The following SYNPR variants were observed in gnomAD, a reference collection of about 807,000 sequenced individuals.
The protein encoded by SYNPR is synaptoporin.
In SYNPR, 23 loss-of-function variants were observed where a neutral mutation model predicts 32.9. The observed-to-expected ratio is 0.70, with a 90% CI of 0.50 to 0.99. The LOEUF (loss-of-function observed/expected upper bound fraction) is 0.99. Among genes scored for constraint, SYNPR ranks in the 50% least tolerant of loss-of-function variants. SYNPR has a pLI of 0.00. For missense variants in SYNPR, 318 were observed against 349.3 expected (o/e 0.91, Z 0.71); for synonymous variants, 146 against 135.9 (o/e 1.07, Z -0.52).
intron 3 of SYNPR, among the ~76,000 whole-genome samples, chr3:63,487,439 T>G (rs577302875): frequency 1.3e-5 from 2 of 152,218 alleles, no homozygotes; most frequent in South Asian, 4.1e-4. Context: ...TTCAATACAT[T>G]GTCTTTTGGC....
At chr3:63,559,431 A>G (rs776897998) in intron 4 of SYNPR, among the ~76,000 whole-genome samples, 23 of 152,208 alleles carry the variant, frequency 1.5e-4, no homozygotes, top group Non-Finnish European at 2.4e-4. Flanking sequence ...TGAACTTTCA[A>G]TAAAAACAAA....
chr3:63,444,991 C>T (rs1431492288), intron 2 of SYNPR, among the ~76,000 whole-genome samples: 1 of 151,638 alleles, frequency 6.6e-6, no homozygotes, highest in Admixed American at 6.6e-5. Context: ...AACTTTTATC[C>T]TTGGGCTGTT....
At chr3:63,276,076 G>T (rs940890771), upstream of SYNPR, among the ~76,000 whole-genome samples, 2 of 152,164 alleles carry the variant, frequency 1.3e-5, no homozygotes, top group African/African-American at 4.8e-5. Flanking sequence ...TTGCAGATCT[G>T]CCTATGTCAT....
intron 2 of SYNPR, among the ~76,000 whole-genome samples, chr3:63,447,058 G>C (rs1228322209): frequency 6.6e-6 from 1 of 152,112 alleles, no homozygotes; most frequent in African/African-American, 2.4e-5. Flanking sequence ...GGTTTAATCA[G>C]AAAGTGTGGT....
the SYNPR span, among the ~76,000 whole-genome samples, chr3:63,223,262 C>A: frequency 6.0e-3 from 877 of 147,348 alleles, 11 homozygotes; most frequent in African/African-American, 0.019. Flanking sequence ...GTGATAGGAG[C>A]AAGCCCTCAT....
chr3:63,394,857 CT>C (rs2088190807), intron 2 of SYNPR, among the ~76,000 whole-genome samples: 1 of 152,126 alleles, frequency 6.6e-6, no homozygotes, highest in East Asian at 1.9e-4. Flanking sequence ...ATATTAACTA[CT>C]AAAGGAATAC....
chr3:63,534,480 C>T (rs1018000564), intron 3 of SYNPR, among the ~76,000 whole-genome samples: 1 of 152,314 alleles, frequency 6.6e-6, no homozygotes, highest in Non-Finnish European at 1.5e-5. Flanking sequence ...TTGTACCTCT[C>T]TTACTAATGC....
intron 3 of SYNPR, among the ~76,000 whole-genome samples, chr3:63,507,255 C>T (rs1701606760): frequency 7.1e-6 from 1 of 140,116 alleles, no homozygotes; most frequent in African/African-American, 2.6e-5. Flanking sequence ...TTAACCATAT[C>T]TGCCCCAAAT....
chr3:63,468,891 C>T (rs1700740654), intron 2 of SYNPR, among the ~76,000 whole-genome samples: 1 of 152,008 alleles, frequency 6.6e-6, no homozygotes, highest in Non-Finnish European at 1.5e-5. Context: ...GCTGAATAAA[C>T]ATTTTTTTTT....
At chr3:63,399,298 A>C (rs900922305) in intron 2 of SYNPR, among the ~76,000 whole-genome samples, 2 of 152,194 alleles carry the variant, frequency 1.3e-5, no homozygotes, top group African/African-American at 4.8e-5. Context: ...GTAGACAGAG[A>C]TATTCTCTCA....
In SYNPR at chr3:63,269,954, T is replaced by C. The variant is rs143519468; in HGVS notation, n.287+2505T>C. On this transcript the variant is annotated intron_variant and non_coding_transcript_variant, in intron 3 of 4. Transcript: ENST00000478456. Reference sequence around the variant, plus strand: ...GAGGTACCTAATTTAATCTAGAGCATTAGGTAAGGCTTCTAAGATTAGAAA... The same window carrying C: ...GAGGTACCTAATTTAATCTAGAGCACTAGGTAAGGCTTCTAAGATTAGAAA... Among the ~76,000 whole-genome samples, 409 of 152,304 alleles carry C rather than the reference T, an allele frequency of 2.7e-3. 4 individuals carry two copies. The highest frequency in any genetic ancestry group is 9.5e-3 in the African/African-American group (397 of 41,574).
intron 2 of SYNPR, among the ~76,000 whole-genome samples, chr3:63,440,639 C>T (rs1700097558): frequency 6.6e-6 from 1 of 152,304 alleles, no homozygotes; most frequent in South Asian, 2.1e-4. Context: ...AGATTAGAAT[C>T]TGCCTATTAG....
At chr3:63,408,194 G>GAA (rs1553876891) in intron 2 of SYNPR, among the ~76,000 whole-genome samples, 510 of 50,020 alleles carry the variant, frequency 0.01, 43 homozygotes, top group South Asian at 0.014. Context: ...AAGAAAGAAA[G>GAA]AGGAAGGAAG....
chr3:63,457,562 C>T lies in SYNPR; in HGVS notation c.85-23270C>T, dbSNP rs189449514. 3.9e-5 allele frequency among the ~76,000 whole-genome samples: 6 copies of T among 152,166 alleles called. No homozygotes were observed. The East Asian group carries it at 1.2e-3, about 29-fold the overall frequency. Reference sequence around the variant, plus strand: ...TTGAAGAGATCTTCAAGTGCTGCAACACCTAACAAACTGATTTTATTATTT... The same window carrying T: ...TTGAAGAGATCTTCAAGTGCTGCAATACCTAACAAACTGATTTTATTATTT... On this transcript the variant is annotated intron_variant, in intron 2 of 5. Transcript: ENST00000478300.
intron 2 of SYNPR, among the ~76,000 whole-genome samples, chr3:63,355,788 C>T (rs1452244311): frequency 6.6e-6 from 1 of 152,136 alleles, no homozygotes; most frequent in African/African-American, 2.4e-5. Flanking sequence ...CCCCTTTGCT[C>T]TCCACCTAGT....
chr3:63,294,144 TTAGG>T (rs1172767533), intron 2 of SYNPR, among the ~76,000 whole-genome samples: 5 of 152,224 alleles, frequency 3.3e-5, no homozygotes, highest in African/African-American at 1.2e-4. Flanking sequence ...AATTCCTAAC[TTAGG>T]TAGTTTTCAA....
chr3:63,556,798 A>G, intron 4 of SYNPR, 57 bp downstream of exon 4: 3 of 1,499,486 alleles, frequency 2.0e-6, no homozygotes, highest in Non-Finnish European at 2.7e-6. Context: ...TCTTTTACTA[A>G]TGCTTGAAGG....
At chr3:63,221,176 A>C in the SYNPR span, among the ~76,000 whole-genome samples, 1 of 152,162 alleles carries the variant, frequency 6.6e-6, no homozygotes, top group Non-Finnish European at 1.5e-5. Flanking sequence ...AAATGACTTT[A>C]GTGTTCTAAG....
At chr3:63,364,433 A>G (rs2087705608) in intron 2 of SYNPR, among the ~76,000 whole-genome samples, 1 of 152,230 alleles carries the variant, frequency 6.6e-6, no homozygotes, top group Non-Finnish European at 1.5e-5. Context: ...TGGAGAAAGA[A>G]GAAGTCATAC....
Sources: allele counts gnomAD v4.1 joint callset (sites outside exome capture counted in the v4.1 genomes callset), GRCh38; gene constraint gnomAD v4.1.1; transcripts MANE v1.5; gene names NCBI Gene and HGNC (gene_info 2026-07-23, HGNC 2026-07-21).